Variants in CAMK2A observed in about 807,000 individuals in gnomAD.
CAMK2A encodes calcium/calmodulin dependent protein kinase II alpha.
A neutral mutation model predicts 79.2 loss-of-function variants in CAMK2A; 7 were observed. The ratio of observed to expected loss-of-function variants is 0.09; its 90% CI spans 0.05 to 0.17. The LOEUF is 0.17. CAMK2A is among the 10% of genes least tolerant of loss of function. The pLI is 1.00. For missense variants in CAMK2A, 214 were observed against 646.4 expected (o/e 0.33, Z 7.25); for synonymous variants, 242 against 251.7 (o/e 0.96, Z 0.36).
chr5:150,227,185 T>C (rs10051644), intron 17 of CAMK2A, among the ~76,000 whole-genome samples: 36,219 of 152,184 alleles, frequency 0.24, 4,851 homozygotes, highest in Non-Finnish European at 0.31. Context: ...ACATAATCCT[T>C]GCACCATGCT....
chr5:150,257,674 C>T, intron 3 of CAMK2A, 57 bp from the exon 4 acceptor site: 1 of 1,365,146 alleles, frequency 7.3e-7, no homozygotes, highest in Non-Finnish European at 1.0e-6. Flanking sequence ...ACAGGCCCGC[C>T]CTCCCTCTCT....
rs921184829 is a variant in CAMK2A, at chr5:150,221,423, G to A, written c.*1287C>T. ...AGAGGCAATGAAGACACACGCTCAC[G>A]GGCCCCCCAGAGGTGGGTGGGGGGT... On this transcript the variant is annotated 3_prime_UTR_variant, in exon 19 of 19. Transcript: ENST00000671881. 5 of 398,618 alleles carry A rather than the reference G, an allele frequency of 1.3e-5. No homozygotes were observed. Among genetic ancestry groups the A allele is most frequent in the African/African-American group, 6.2e-5 (3 of 48,602 alleles). The allele number at this position is 398,618 out of a possible 1,614,324, so 24.7% of individuals were successfully genotyped here.
chr5:150,261,507 A>G (rs1756304985), intron 3 of CAMK2A, among the ~76,000 whole-genome samples: 1 of 152,140 alleles, frequency 6.6e-6, no homozygotes, highest in Non-Finnish European at 1.5e-5. Context: ...TGTTTAAAAT[A>G]TTGTCATAGA....
At chr5:150,278,327 T>C (rs1264223654) in intron 1 of CAMK2A, among the ~76,000 whole-genome samples, 2 of 148,932 alleles carry the variant, frequency 1.3e-5, no homozygotes, top group African/African-American at 5.0e-5. Context: ...AAAATGAGAG[T>C]GAAGGCAGTG....
At chr5:150,289,892 T>C (rs1757593576), upstream of CAMK2A, 1 of 503,840 alleles carries the variant, frequency 2.0e-6, no homozygotes. Flanking sequence ...CCCCAACACC[T>C]GCCTGCCTTC....
At chr5:150,232,534 C>G (rs966470966) in intron 15 of CAMK2A, among the ~76,000 whole-genome samples, 2 of 152,224 alleles carry the variant, frequency 1.3e-5, no homozygotes, top group Non-Finnish European at 2.9e-5. Context: ...CAGAGCCTAA[C>G]AGAAGCCTTG....
At chr5:150,243,244 C>T (rs550620053) in intron 13 of CAMK2A, among the ~76,000 whole-genome samples, 193 of 152,354 alleles carry the variant, frequency 1.3e-3, no homozygotes, top group African/African-American at 4.5e-3. Flanking sequence ...TCTCTCTCTA[C>T]TTCCTTCTCC....
At chr5:150,245,965 G>C (rs1352722541) in intron 12 of CAMK2A, among the ~76,000 whole-genome samples, 1 of 152,260 alleles carries the variant, frequency 6.6e-6, no homozygotes, top group Non-Finnish European at 1.5e-5. Flanking sequence ...CTGCCCACAG[G>C]CATCCGGCTG....
chr5:150,242,180 A>G (rs1331831387), intron 13 of CAMK2A, among the ~76,000 whole-genome samples: 1 of 152,146 alleles, frequency 6.6e-6, no homozygotes. Context: ...GGTGATAGAA[A>G]GACTTAACTT....
rs147340163 is a variant in CAMK2A at position 150,234,255 on chromosome 5, A to T, written c.1067-2875T>A. Among the ~76,000 whole-genome samples the T allele has an allele frequency of 1.8e-4, 27 of 152,254 alleles. No homozygotes were observed. The East Asian group carries it at 5.0e-3, about 28-fold the overall frequency. ...GACCCTTCTGGCTCACCGTTCCAGG[A>T]GCCTGTGCTCAATGCCTGTTTCCTG... On this transcript the variant is annotated intron_variant, in intron 15 of 18. Coordinates refer to ENST00000671881, the MANE Select transcript of CAMK2A (RefSeq NM_015981.4).
intron 1 of CAMK2A, among the ~76,000 whole-genome samples, chr5:150,281,590 T>C (rs1432833): frequency 0.33 from 49,809 of 152,174 alleles, 9,145 homozygotes; most frequent in East Asian, 0.5. Flanking sequence ...TGATTCATAG[T>C]CATTGCTTTT....
chr5:150,250,827 G>A lies in CAMK2A; in HGVS notation c.694-17C>T, dbSNP rs1388388613. On this transcript the variant is annotated splice_polypyrimidine_tract_variant and intron_variant, in intron 9 of 18. Coordinates refer to ENST00000671881, the MANE Select transcript of CAMK2A (RefSeq NM_015981.4). ...CGATGGGAACTGGAAGGGGCAGAGA[G>A]GCCAGGTTTGCCCAGCCTGCCCCAG... 2.5e-6 allele frequency: 4 copies of A among 1,613,050 alleles called. No individual in the cohort carries two copies. The South Asian group carries it at 3.3e-5, about 13-fold the overall frequency.
At chr5:150,233,714 C>A (rs1754942611) in intron 15 of CAMK2A, among the ~76,000 whole-genome samples, 1 of 152,206 alleles carries the variant, frequency 6.6e-6, no homozygotes, top group Non-Finnish European at 1.5e-5. Flanking sequence ...TTCCTGATCA[C>A]CTGTGCCCTC....
In CAMK2A at chr5:150,256,733, G is replaced by A. The variant is rs569103894; in HGVS notation, c.338+33C>T. On this transcript the variant is annotated intron_variant, in intron 5 of 18. Coordinates refer to ENST00000671881, the MANE Select transcript of CAMK2A (RefSeq NM_015981.4). This position sits in a 1 kb window ranked among gnomAD's most constrained non-coding sequence, Gnocchi z 4.6. ...CAGCAGGCAAGAGTGCCCTGTCCCC[G>A]GGTGCCATTGCCAGGCAGCACCTGA... 1.4e-5 allele frequency: 23 copies of A among 1,610,640 alleles called. No individual in the cohort carries two copies. The Admixed American group carries it at 1.7e-4, about 12-fold the overall frequency.
At chr5:150,262,588 G>A (rs947716199) in intron 3 of CAMK2A, among the ~76,000 whole-genome samples, 4 of 152,138 alleles carry the variant, frequency 2.6e-5, no homozygotes, top group East Asian at 1.9e-4. Flanking sequence ...ACCTTGGCAT[G>A]GGGTGGGTCT....
chr5:150,229,657 A>G (rs141753268), intron 16 of CAMK2A, among the ~76,000 whole-genome samples: 1 of 152,288 alleles, frequency 6.6e-6, no homozygotes, highest in African/African-American at 2.4e-5. Context: ...AGTGCCACTG[A>G]GGAGCTTGGG....
At chr5:150,250,378 C>CT in intron 10 of CAMK2A, 69 bp from the exon 11 acceptor site, 1 of 1,303,046 alleles carries the variant, frequency 7.7e-7, no homozygotes, top group Non-Finnish European at 1.1e-6. Flanking sequence ...CAAGGGTACC[C>CT]TTCAGCAGGG....
chr5:150,251,247 A>G (rs1256033558), intron 9 of CAMK2A, among the ~76,000 whole-genome samples: 1 of 152,216 alleles, frequency 6.6e-6, no homozygotes, highest in African/African-American at 2.4e-5. Context: ...TAAAAGCAAT[A>G]TAGCTTGGTA....
intron 13 of CAMK2A, among the ~76,000 whole-genome samples, chr5:150,242,419 G>A (rs1755388399): frequency 6.6e-6 from 1 of 152,176 alleles, no homozygotes; most frequent in Admixed American, 6.5e-5. Context: ...GGATAATATA[G>A]CTTCACATCT....
Sources: allele counts gnomAD v4.1 joint callset (sites outside exome capture counted in the v4.1 genomes callset), GRCh38; gene constraint gnomAD v4.1.1; non-coding constraint Gnocchi (gnomAD v3.1); transcripts MANE v1.5; gene names NCBI Gene and HGNC (gene_info 2026-07-23, HGNC 2026-07-21).